The following CARHSP1 variants were observed in gnomAD, a reference collection of about 807,000 sequenced individuals.
The protein encoded by CARHSP1 is calcium-regulated heat-stable protein 1.
CARHSP1 carries 14 observed loss-of-function variants against 12.5 expected under a neutral mutation model. The ratio of observed to expected loss-of-function variants is 1.12; its 90% CI spans 0.74 to 1.75. The LOEUF (loss-of-function observed/expected upper bound fraction) is 1.75. CARHSP1 is among the 40% of genes most tolerant of loss of function. CARHSP1 has a pLI of 0.00. For missense variants in CARHSP1, 343 were observed against 201.6 expected (o/e 1.70, Z -4.25); for synonymous variants, 161 against 82.0 (o/e 1.96, Z -5.20).
At chr16:8,859,133 C>A (rs762503248) in intron 2 of CARHSP1, 38 bp downstream of exon 2, 104 of 1,536,452 alleles carry the variant, frequency 6.8e-5, no homozygotes, top group Non-Finnish European at 8.6e-5. Context: ...GGCAAGAGAT[C>A]CATCTGAGAA....
At chr16:8,864,301 A>G (rs2061420582) in intron 1 of CARHSP1, among the ~76,000 whole-genome samples, 1 of 151,238 alleles carries the variant, frequency 6.6e-6, no homozygotes, top group Admixed American at 6.6e-5. Flanking sequence ...TGGAGCGGGG[A>G]GCCTCACCTC....
intron 2 of CARHSP1, chr16:8,858,791 C>T (rs759051364): frequency 5.0e-4 from 212 of 423,864 alleles, no homozygotes; most frequent in South Asian, 1.3e-3. Flanking sequence ...ATCCTCCACT[C>T]GCAAGGCCTG....
chr16:8,864,185 C>T (rs767542858), intron 1 of CARHSP1, among the ~76,000 whole-genome samples: 17 of 152,194 alleles, frequency 1.1e-4, no homozygotes, highest in Non-Finnish European at 2.2e-4. Flanking sequence ...TGTGTATATA[C>T]GCATGTGTAC....
intron 1 of CARHSP1, chr16:8,868,626 C>T (rs1051980296): frequency 2.0e-5 from 3 of 151,836 alleles, no homozygotes; most frequent in African/African-American, 2.4e-5. Context: ...CCCGGCGAGT[C>T]CCCCGTCCAG....
rs925204775 is a variant in CARHSP1 at position 8,853,977 on chromosome 16, T to G, written c.*1187A>C. 5.3e-5 allele frequency: 8 copies of G among 152,106 alleles called. No homozygotes were observed. The highest frequency in any genetic ancestry group is 1.9e-4 in the African/African-American group (8 of 41,368). 9.4% of individuals were successfully genotyped at this position (152,106 alleles called of 1,614,324 possible). ...GGCGCATGCCTGTAATCCCAGCTAC[T>G]CAGGAGACTGAGGCGGAATTGCCAG... On this transcript the variant is annotated 3_prime_UTR_variant, in exon 4 of 4. Coordinates refer to ENST00000311052, the MANE Select transcript of CARHSP1 (RefSeq NM_014316.4).
chr16:8,861,989 C>CT (rs537614451), intron 1 of CARHSP1, among the ~76,000 whole-genome samples: 2,021 of 79,684 alleles, frequency 0.025, 145 homozygotes, highest in Non-Finnish European at 0.039. Flanking sequence ...GCATAGCTGA[C>CT]TTTTTTTTTT....
In CARHSP1 at chr16:8,858,479, G is replaced by C. The variant is rs750037399; in HGVS notation, c.159-7C>G. On this transcript the variant is annotated splice_region_variant and splice_polypyrimidine_tract_variant and intron_variant, in intron 2 of 3. Transcript: ENST00000311052. ...CTGTGAAGCCCGCACCGTCCTGACAGAGAGGGGGAAATGTCAGGGGCCCCA... is the reference window on the plus strand; with the variant it reads ...CTGTGAAGCCCGCACCGTCCTGACACAGAGGGGGAAATGTCAGGGGCCCCA... 1.2e-6 allele frequency: 2 copies of C among 1,612,414 alleles called. No homozygotes were observed. Among genetic ancestry groups the C allele is most frequent in the Non-Finnish European group, 1.7e-6 (2 of 1,179,520 alleles).
chr16:8,866,510 G>A (rs1051109880), intron 1 of CARHSP1: 20 of 982,094 alleles, frequency 2.0e-5, no homozygotes, highest in Non-Finnish European at 2.4e-5. Context: ...CCCCAGCCTG[G>A]GAGAACTGCC....
chr16:8,865,956 C>T (rs148993145), intron 1 of CARHSP1, among the ~76,000 whole-genome samples: 2 of 152,024 alleles, frequency 1.3e-5, no homozygotes, highest in African/African-American at 4.8e-5. Flanking sequence ...TTCTTCATTT[C>T]TTTTTTATTT....
chr16:8,860,236 G>T (rs2061308969), intron 1 of CARHSP1: 2 of 984,610 alleles, frequency 2.0e-6, no homozygotes, highest in African/African-American at 1.7e-5. Context: ...AGCCCAAAGG[G>T]AAAGGGAGAA....
chr16:8,858,534 C>T, intron 2 of CARHSP1, 62 bp from the exon 3 acceptor site: 1 of 1,585,176 alleles, frequency 6.3e-7, no homozygotes, highest in South Asian at 1.1e-5. Flanking sequence ...AAAGCTCATT[C>T]CAGCCCCTGC....
At position 8,854,217 on chromosome 16, in the gene CARHSP1, C is replaced by T. The variant is rs1281434142; in HGVS notation, c.*947G>A. On this transcript the variant is annotated 3_prime_UTR_variant, in exon 4 of 4. Coordinates refer to ENST00000311052, the MANE Select transcript of CARHSP1 (RefSeq NM_014316.4). ...CTTAACACTAGTTTTAAAGAAAACC[C>T]CCTCTCCAAAGGTATGTTTCTCCTT... 2 of 152,036 alleles carry T rather than the reference C, an allele frequency of 1.3e-5. No individual in the cohort carries two copies. The highest frequency in any genetic ancestry group is 1.3e-4 in the Admixed American group (2 of 15,264). 9.4% of individuals were successfully genotyped at this position (152,036 alleles called of 1,614,324 possible). A position where few individuals can be genotyped will look rare whatever the true frequency, so the allele number is the denominator to read the frequency against.
At chr16:8,861,095 G>A (rs2061339199) in intron 1 of CARHSP1, among the ~76,000 whole-genome samples, 1 of 145,092 alleles carries the variant, frequency 6.9e-6, no homozygotes, top group South Asian at 2.2e-4. Context: ...GTGTCTCACT[G>A]TCACCCAGGC....
chr16:8,855,409 C>T (rs1329754601), intron 3 of CARHSP1, 83 bp from the exon 4 acceptor site: 1 of 1,275,368 alleles, frequency 7.8e-7, no homozygotes, highest in Non-Finnish European at 1.0e-6. Flanking sequence ...CTTCTGGTCA[C>T]ACAGCCACCA....
intron 1 of CARHSP1, among the ~76,000 whole-genome samples, chr16:8,865,430 C>G (rs901068597): frequency 6.6e-6 from 1 of 152,194 alleles, no homozygotes. Context: ...TTCTTAATAG[C>G]TTCAGCCCCT....
At chr16:8,859,442 C>T (rs542747036) in intron 1 of CARHSP1, 107 bp from the exon 2 acceptor site, 920 of 1,002,136 alleles carry the variant, frequency 9.2e-4, no homozygotes, top group Non-Finnish European at 1.2e-3. Flanking sequence ...TCATTCCTCT[C>T]GGGCACCTCA....
At chr16:8,866,477 T>G (rs930978389) in intron 1 of CARHSP1, 27 of 985,218 alleles carry the variant, frequency 2.7e-5, no homozygotes, top group Non-Finnish European at 3.1e-5. Flanking sequence ...AGCTGACCCA[T>G]CCCAGTCTCC....
At chr16:8,860,280 G>T (rs1019353913) in intron 1 of CARHSP1, 22 of 982,998 alleles carry the variant, frequency 2.2e-5, no homozygotes, top group Non-Finnish European at 2.3e-5. Context: ...ATCAGGCCCA[G>T]TGAATTTCCA....
intron 1 of CARHSP1, among the ~76,000 whole-genome samples, chr16:8,866,890 C>A (rs2061464678): frequency 1.3e-5 from 2 of 152,158 alleles, no homozygotes; most frequent in African/African-American, 4.8e-5. Context: ...AGAGCCCCCT[C>A]CCAGGCCCCG....
Sources: gnomAD v4.1 joint callset for allele counts (sites outside exome capture counted in the v4.1 genomes callset) on GRCh38, gnomAD v4.1.1 for gene constraint, MANE v1.5 for transcripts, NCBI Gene and HGNC (gene_info 2026-07-23, HGNC 2026-07-21) for gene names.